GPX5: variants seen among roughly 807,000 people sequenced by gnomAD.
GPX5 encodes glutathione peroxidase 5.
Under a neutral mutation model 23.8 loss-of-function variants are expected in GPX5, and 20 were observed. That is an observed-to-expected ratio of 0.84 (90% CI 0.59 to 1.22). The LOEUF is 1.22. GPX5 is among the 50% of genes most tolerant of loss of function. GPX5 has a pLI of 0.00. For missense variants in GPX5, 230 were observed against 266.6 expected (o/e 0.86, Z 0.96); for synonymous variants, 92 against 99.5 (o/e 0.92, Z 0.45).
At chr6:28,530,198 G>A (rs1336159684) in intron 2 of GPX5, 2 of 152,198 alleles carry the variant, frequency 1.3e-5, no homozygotes, top group African/African-American at 4.8e-5. Flanking sequence ...GCTGGCGGAT[G>A]AGGCTGTAAT....
chr6:28,527,193 C>T (rs1236484144), intron 1 of GPX5: 1 of 152,006 alleles, frequency 6.6e-6, no homozygotes, highest in Non-Finnish European at 1.5e-5. Flanking sequence ...GAGAGTCTCT[C>T]TAAGCTTTTG....
Position 28,534,303 on chromosome 6 carries a change from C to T in GPX5, c.*136C>T, listed in dbSNP as rs538763073. On this transcript the variant is annotated 3_prime_UTR_variant, in exon 5 of 5. Transcript: ENST00000412168. ...TGGGCTCCACCTGAGTAAATCACCG[C>T]CACATACTGCCAGAATTCCCACTCT... is the stretch of plus-strand genomic sequence containing the variant. 1.7e-5 allele frequency: 9 copies of T among 522,462 alleles called. No individual in the cohort carries two copies. The East Asian group carries it at 2.9e-4, about 17-fold the overall frequency. 32.4% of individuals were successfully genotyped at this position (522,462 alleles called of 1,614,324 possible). A position where few individuals can be genotyped will look rare whatever the true frequency, so the allele number is the denominator to read the frequency against.
intron 2 of GPX5, 73 bp from the exon 3 acceptor site, chr6:28,531,705 T>C (rs1330421648): frequency 3.1e-6 from 3 of 954,342 alleles, no homozygotes; most frequent in Non-Finnish European, 4.9e-6. Context: ...GTAAAATGGG[T>C]AACCCCAGGG....
At chr6:28,529,041 G>GT (rs1345461022) in intron 1 of GPX5, among the ~76,000 whole-genome samples, 1 of 151,086 alleles carries the variant, frequency 6.6e-6, no homozygotes, top group Non-Finnish European at 1.5e-5. Context: ...ATTGACTATA[G>GT]TCACCCTGTT....
At chr6:28,532,638 T>A (rs1763349972) in intron 4 of GPX5, among the ~76,000 whole-genome samples, 1 of 152,200 alleles carries the variant, frequency 6.6e-6, no homozygotes, top group African/African-American at 2.4e-5. Flanking sequence ...GAAAGTTGTG[T>A]GGAATGGCAA....
intron 2 of GPX5, among the ~76,000 whole-genome samples, chr6:28,530,314 T>G (rs921464855): frequency 4.6e-5 from 7 of 152,196 alleles, no homozygotes; most frequent in African/African-American, 1.7e-4. Context: ...TTAGGGCATG[T>G]GGTTTAAAAA....
At chr6:28,526,871 C>G (rs1040525447) in intron 1 of GPX5, among the ~76,000 whole-genome samples, 1 of 152,208 alleles carries the variant, frequency 6.6e-6, no homozygotes, top group Non-Finnish European at 1.5e-5. Flanking sequence ...GTAACAGTAA[C>G]TACCTTATGG....
At chr6:28,533,913 C>G in intron 4 of GPX5, 48 bp from the exon 5 acceptor site, 1 of 1,298,682 alleles carries the variant, frequency 7.7e-7, no homozygotes, top group East Asian at 2.5e-5. Flanking sequence ...CCTGGATCAT[C>G]CAGGAGCAGA....
At chr6:28,533,171 A>AGTAG (rs28382608) in intron 4 of GPX5, among the ~76,000 whole-genome samples, 11,552 of 152,200 alleles carry the variant, frequency 0.076, 642 homozygotes, top group East Asian at 0.31. Flanking sequence ...GATACAGTGT[A>AGTAG]GTAGGTACCT....
chr6:28,531,743 T>C (rs746731078), intron 2 of GPX5, 35 bp from the exon 3 acceptor site: 1 of 1,431,940 alleles, frequency 7.0e-7, no homozygotes, highest in East Asian at 2.3e-5. Flanking sequence ...GCAGAACCTC[T>C]ACCTAGACCA....
intron 1 of GPX5, chr6:28,528,430 C>CT (rs1763246636): frequency 6.6e-6 from 1 of 152,148 alleles, no homozygotes; most frequent in Non-Finnish European, 1.5e-5. Context: ...GGGCAGTGTT[C>CT]TTTCTACTCT....
chr6:28,529,618 T>C lies in GPX5; in HGVS notation c.241+14T>C, dbSNP rs1244975228. ...CGCAATATCCTGGTAAGAGAATTCATAGTTACTTCTCTTTGGGACTAAATT... is the reference window on the plus strand; with the variant it reads ...CGCAATATCCTGGTAAGAGAATTCACAGTTACTTCTCTTTGGGACTAAATT... On this transcript the variant is annotated intron_variant, in intron 2 of 4. Coordinates refer to ENST00000412168, the MANE Select transcript of GPX5 (RefSeq NM_001509.3). 3 of 1,578,252 alleles carry C rather than the reference T, an allele frequency of 1.9e-6. No individual in the cohort carries two copies. The South Asian group carries it at 3.5e-5, about 19-fold the overall frequency.
In GPX5 at chr6:28,534,539, C is replaced by T. The variant is rs1402743662; in HGVS notation, c.*372C>T. On this transcript the variant is annotated 3_prime_UTR_variant, in exon 5 of 5. Coordinates refer to ENST00000412168, the MANE Select transcript of GPX5 (RefSeq NM_001509.3). ...ACATTCCTAGACATTCTGACTCTTC[C>T]ATCTCTCTCTACCCTGGAGGTGTAG... 2 of 187,760 alleles carry T rather than the reference C, an allele frequency of 1.1e-5. No homozygotes were observed. The highest frequency in any genetic ancestry group is 2.2e-5 in the Non-Finnish European group (2 of 92,142). 11.6% of individuals were successfully genotyped at this position (187,760 alleles called of 1,614,324 possible).
chr6:28,532,025 T>C (rs1473832395), intron 3 of GPX5, 130 bp downstream of exon 3: 1 of 762,378 alleles, frequency 1.3e-6, no homozygotes, highest in African/African-American at 1.8e-5. Flanking sequence ...AAGCAGAGTT[T>C]AACTTTGGCC....
In GPX5 at chr6:28,529,549, G is replaced by A. The variant is rs1562009584; in HGVS notation, c.186G>A (p.Lys62=). ...TTTCCTTCAAGCAGTATGTGGGCAA[G>A]CACATCCTCTTCGTCAACGTGGCCA... The part of the protein sequence containing the change: ...EYVSFKQYVG[K]HILFVNVATY... The change falls in exon 2 of 5, where the codon AAG becomes AAA. Residue 62 remains lysine (K), a synonymous_variant. Coordinates refer to ENST00000412168, the MANE Select transcript of GPX5 (RefSeq NM_001509.3). The A allele has an allele frequency of 1.2e-6, 2 of 1,612,908 alleles. No individual in the cohort carries two copies. The highest frequency in any genetic ancestry group is 3.3e-5 in the Admixed American group (2 of 59,970).
At chr6:28,527,372 T>C (rs1562008503) in intron 1 of GPX5, among the ~76,000 whole-genome samples, 2 of 152,226 alleles carry the variant, frequency 1.3e-5, no homozygotes, top group South Asian at 4.1e-4. Context: ...CTGGTGCATG[T>C]ATATATGTAT....
intron 1 of GPX5, 33 bp downstream of exon 1, chr6:28,526,133 C>T (rs1160569372): frequency 6.8e-7 from 1 of 1,477,364 alleles, no homozygotes; most frequent in South Asian, 1.1e-5. Context: ...ATGGTAGTTA[C>T]TCTTCTGTCC....
intron 2 of GPX5, among the ~76,000 whole-genome samples, chr6:28,530,525 G>C (rs1413789925): frequency 6.6e-6 from 1 of 151,942 alleles, no homozygotes; most frequent in Non-Finnish European, 1.5e-5. Flanking sequence ...ATATTATCTT[G>C]TTTACAGAAT....
At chr6:28,531,264 G>A (rs1763307352) in intron 2 of GPX5, among the ~76,000 whole-genome samples, 1 of 151,052 alleles carries the variant, frequency 6.6e-6, no homozygotes, top group South Asian at 2.1e-4. Context: ...CCAGCTACTC[G>A]GGAGTCTAAG....
Sources: gnomAD v4.1 joint callset for allele counts (sites outside exome capture counted in the v4.1 genomes callset) on GRCh38, gnomAD v4.1.1 for gene constraint, MANE v1.5 for transcripts, NCBI Gene and HGNC (gene_info 2026-07-23, HGNC 2026-07-21) for gene names.